The following BPHL variants were observed in gnomAD, a reference collection of about 807,000 sequenced individuals.
BPHL encodes serine hydrolase BPHL.
In BPHL, 27 loss-of-function variants were observed where a neutral mutation model predicts 31.2. That is an observed-to-expected ratio of 0.87 (90% CI 0.64 to 1.19). The LOEUF (loss-of-function observed/expected upper bound fraction) is 1.19. Among genes scored for constraint, BPHL ranks in the 50% most tolerant of loss-of-function variants. BPHL has a pLI of 0.00. For missense variants in BPHL, 356 were observed against 375.7 expected (o/e 0.95, Z 0.43); for synonymous variants, 150 against 146.8 (o/e 1.02, Z -0.16).
At position 3,118,835 on chromosome 6, in the gene BPHL, C is replaced by T; in HGVS notation, c.95C>T (p.Ala32Val). The T allele has an allele frequency of 8.1e-7, 1 of 1,239,716 alleles. No individual in the cohort carries two copies. Among genetic ancestry groups the T allele is most frequent in the Non-Finnish European group, 1.0e-6 (1 of 990,284 alleles). 76.8% of individuals were successfully genotyped at this position (1,239,716 alleles called of 1,614,324 possible). The change falls in exon 1 of 7, where the codon GCG (alanine) becomes GTG (valine). Residue 32 changes from alanine (A) to valine (V), a missense_variant. Coordinates refer to ENST00000380379, the MANE Select transcript of BPHL (RefSeq NM_004332.4). ...ATCCACGTCCCACGGGCCGGACCCG[C>T]GGCCGCGTTCGGGTAATGGCGGCCA... The part of the protein sequence containing the change: ...PGIHVPRAGP[A>V]AAFGTSVTSA...
At chr6:3,123,781 A>C (rs762929599) in intron 2 of BPHL, 21 bp downstream of exon 2, 2 of 1,591,164 alleles carry the variant, frequency 1.3e-6, no homozygotes, top group Admixed American at 1.7e-5. Context: ...TTTTTAATGG[A>C]ATGTTTTTGC....
intron 6 of BPHL, among the ~76,000 whole-genome samples, chr6:3,148,572 GCTC>G (rs1179260464): frequency 6.6e-6 from 1 of 152,238 alleles, no homozygotes; most frequent in African/African-American, 2.4e-5. Context: ...TGGTTTGCCA[GCTC>G]CTCTGCTACT....
intron 3 of BPHL, among the ~76,000 whole-genome samples, chr6:3,128,810 G>C (rs766362196): frequency 6.6e-6 from 1 of 152,242 alleles, no homozygotes; most frequent in Admixed American, 6.5e-5. Context: ...ACCAGAAGAT[G>C]TAGTTCCCTC....
Position 3,147,646 on chromosome 6 carries a change from G to A in BPHL, c.789-4842G>A, listed in dbSNP as rs114434009. Reference sequence around the variant, plus strand: ...AAAAGAACCAACAAGACGTATATGTGTGTATGTATATATAGGTAGAAAAAA... The same window carrying A: ...AAAAGAACCAACAAGACGTATATGTATGTATGTATATATAGGTAGAAAAAA... On this transcript the variant is annotated intron_variant, in intron 6 of 6. Transcript: ENST00000380379. Among the ~76,000 whole-genome samples, 262 of 152,276 alleles carry A rather than the reference G, an allele frequency of 1.7e-3. 2 individuals carry two copies. The highest frequency in any genetic ancestry group is 6.1e-3 in the African/African-American group (255 of 41,560).
At chr6:3,126,961 G>T in intron 2 of BPHL, 1 of 256,550 alleles carries the variant, frequency 3.9e-6, no homozygotes. Flanking sequence ...AGTAGAGATG[G>T]GGTTTCACCG....
chr6:3,119,372 T>A, intron 1 of BPHL: 3 of 1,584,178 alleles, frequency 1.9e-6, no homozygotes, highest in Non-Finnish European at 2.6e-6. Context: ...ATCTCGTACC[T>A]TAATGTGCAA....
intron 6 of BPHL, among the ~76,000 whole-genome samples, chr6:3,151,665 G>A (rs1017353462): frequency 6.6e-6 from 1 of 152,190 alleles, no homozygotes; most frequent in Non-Finnish European, 1.5e-5. Flanking sequence ...AAAGTGGCTT[G>A]AACTTAGGCT....
intron 2 of BPHL, 180 bp downstream of exon 2, chr6:3,123,940 G>T: frequency 8.5e-6 from 4 of 470,726 alleles, no homozygotes; most frequent in South Asian, 3.0e-5. Context: ...GTTCAGAATT[G>T]GATTTTTTAT....
intron 2 of BPHL, among the ~76,000 whole-genome samples, chr6:3,126,358 C>T (rs992351280): frequency 6.6e-6 from 1 of 152,080 alleles, no homozygotes. Context: ...ATGTGTAAGT[C>T]ATTGTTTTAA....
chr6:3,143,940 G>T (rs954361302), intron 6 of BPHL, among the ~76,000 whole-genome samples: 1 of 152,234 alleles, frequency 6.6e-6, no homozygotes, highest in African/African-American at 2.4e-5. Flanking sequence ...GCCTTTGCCT[G>T]CCTGGGTGTG....
At chr6:3,148,025 G>A (rs1039981057) in intron 6 of BPHL, among the ~76,000 whole-genome samples, 2 of 152,226 alleles carry the variant, frequency 1.3e-5, no homozygotes, top group Non-Finnish European at 2.9e-5. Context: ...TTCAGTCAGT[G>A]GATTCAAATG....
intron 2 of BPHL, among the ~76,000 whole-genome samples, chr6:3,125,036 A>G (rs1371216437): frequency 6.6e-6 from 1 of 151,304 alleles, no homozygotes; most frequent in Non-Finnish European, 1.5e-5. Flanking sequence ...GGTGCTAAAA[A>G]CTTACCAATT....
rs145706348 is a variant in BPHL at position 3,137,503 on chromosome 6, T to C, written c.664+10T>C. The C allele has an allele frequency of 5.5e-4, 886 of 1,613,780 alleles. 4 individuals carry two copies. In the African/African-American group the frequency reaches 1.0e-2, roughly 18 times the overall value. ...AAACATCTCCCAGATGGTAGGTTAC[T>C]GGGCTTGAAGGGCTCTCTGCCTGTT... On this transcript the variant is annotated intron_variant, in intron 5 of 6. Coordinates refer to ENST00000380379, the MANE Select transcript of BPHL (RefSeq NM_004332.4).
At chr6:3,124,743 T>C (rs930320473) in intron 2 of BPHL, among the ~76,000 whole-genome samples, 7 of 149,504 alleles carry the variant, frequency 4.7e-5, no homozygotes, top group African/African-American at 1.8e-4. Context: ...CCGAGGTTGG[T>C]TGAATCCACA....
intron 6 of BPHL, among the ~76,000 whole-genome samples, chr6:3,148,164 A>T (rs956355068): frequency 6.6e-6 from 1 of 152,252 alleles, no homozygotes; most frequent in South Asian, 2.1e-4. Flanking sequence ...GATGGATGCC[A>T]TCTCTACAGA....
At chr6:3,145,257 T>C (rs1258377032) in intron 6 of BPHL, among the ~76,000 whole-genome samples, 1 of 46,756 alleles carries the variant, frequency 2.1e-5, no homozygotes, top group African/African-American at 1.3e-4. Flanking sequence ...TGGTTCGGGG[T>C]GGAGTGCTGG....
Position 3,119,274 on chromosome 6 carries a change from T to G in BPHL, c.107+427T>G, listed in dbSNP as rs534392346. On this transcript the variant is annotated intron_variant, in intron 1 of 6. Transcript: ENST00000380379. ...CATAAGGACAATAATCTCTTCTTTC[T>G]CTTATGTCAGAAATCAGCCTGAGCC... 2.7e-5 allele frequency: 41 copies of G among 1,538,406 alleles called. 1 individual carries two copies. The South Asian group carries it at 4.7e-4, about 18-fold the overall frequency.
intron 6 of BPHL, among the ~76,000 whole-genome samples, chr6:3,145,359 G>T (rs78546250): frequency 0.012 from 164 of 13,444 alleles, no homozygotes; most frequent in African/African-American, 0.044. Context: ...GAGTGCTGGT[G>T]TGGGTTGGAG....
chr6:3,118,693 C>G, upstream of BPHL: 4 of 1,224,408 alleles, frequency 3.3e-6, no homozygotes, highest in Non-Finnish European at 3.1e-6. Flanking sequence ...GGGTACCGCG[C>G]TTGGTCTTAG....
Sources: allele counts gnomAD v4.1 joint callset (sites outside exome capture counted in the v4.1 genomes callset), GRCh38; gene constraint gnomAD v4.1.1; transcripts MANE v1.5; gene names NCBI Gene and HGNC (gene_info 2026-07-23, HGNC 2026-07-21).